Variants in AOPEP observed in about 807,000 individuals in gnomAD.
AOPEP encodes the protein aminopeptidase O (putative).
AOPEP carries 77 observed loss-of-function variants against 98.1 expected under a neutral mutation model. The observed-to-expected ratio is 0.78, with a 90% confidence interval of 0.65 to 0.95. The LOEUF (loss-of-function observed/expected upper bound fraction) is 0.95. Ranked by LOEUF, AOPEP falls within the 40% of genes least tolerant of loss-of-function variation. The pLI is 0.00. For missense variants in AOPEP, 1,024 were observed against 1,024.7 expected (o/e 1.00, Z 0.01); for synonymous variants, 346 against 365.3 (o/e 0.95, Z 0.60).
chr9:94,989,771 T>C (rs962223279), intron 11 of AOPEP, among the ~76,000 whole-genome samples: 4 of 151,600 alleles, frequency 2.6e-5, no homozygotes, highest in African/African-American at 9.7e-5. Flanking sequence ...GCCACCATAC[T>C]CGGCTAATTT....
chr9:95,149,757 G>A, the AOPEP span, among the ~76,000 whole-genome samples: 1 of 152,022 alleles, frequency 6.6e-6, no homozygotes, highest in South Asian at 2.1e-4. Flanking sequence ...GGGATTACAG[G>A]TGTGAGCCAC....
chr9:94,739,712 C>T (rs973890728), intron 1 of AOPEP, among the ~76,000 whole-genome samples: 2 of 152,016 alleles, frequency 1.3e-5, no homozygotes, highest in Non-Finnish European at 2.9e-5. Context: ...AAATAGTAAC[C>T]GCTAAGATGT....
At chr9:94,841,256 C>G (rs1308527826) in intron 5 of AOPEP, among the ~76,000 whole-genome samples, 40 of 151,536 alleles carry the variant, frequency 2.6e-4, no homozygotes, top group Admixed American at 2.6e-3. Context: ...ACTGCAGGCT[C>G]CCCCTCCTGC....
chr9:94,935,582 G>T (rs2056130006), intron 7 of AOPEP, among the ~76,000 whole-genome samples: 1 of 152,110 alleles, frequency 6.6e-6, no homozygotes, highest in Admixed American at 6.5e-5. Flanking sequence ...CTCATTGGTT[G>T]GAAAAATGTA....
chr9:95,009,677 C>G (rs2062341237), intron 13 of AOPEP, among the ~76,000 whole-genome samples: 1 of 152,172 alleles, frequency 6.6e-6, no homozygotes, highest in African/African-American at 2.4e-5. Flanking sequence ...TTAGTCACAA[C>G]AAACATGGTG....
the AOPEP span, among the ~76,000 whole-genome samples, chr9:95,119,993 G>GTGAGTT: frequency 0.46 from 69,129 of 151,572 alleles, 15,921 homozygotes; most frequent in East Asian, 0.58. Flanking sequence ...GATTACAGGA[G>GTGAGTT]TGAGCTATGC....
At chr9:94,921,956 A>G (rs962659478) in intron 5 of AOPEP, among the ~76,000 whole-genome samples, 3 of 152,150 alleles carry the variant, frequency 2.0e-5, no homozygotes, top group African/African-American at 7.2e-5. Context: ...GGGGAAATTT[A>G]GGTGGAATTC....
At chr9:94,892,956 G>A (rs1378190943) in intron 5 of AOPEP, among the ~76,000 whole-genome samples, 1 of 152,180 alleles carries the variant, frequency 6.6e-6, no homozygotes, top group East Asian at 1.9e-4. Flanking sequence ...GCCTCCCAAA[G>A]TGCTGGGATT....
At chr9:94,906,487 A>T in intron 5 of AOPEP, among the ~76,000 whole-genome samples, 1 of 149,742 alleles carries the variant, frequency 6.7e-6, no homozygotes, top group Non-Finnish European at 1.5e-5. Flanking sequence ...AATAATAAAA[A>T]AACAGACCCC....
At chr9:95,107,150 T>C in the AOPEP span, 1 of 1,614,210 alleles carries the variant, frequency 6.2e-7, no homozygotes, top group Non-Finnish European at 8.5e-7. Flanking sequence ...TCAGCTGTTG[T>C]GCAGGAGCTC....
intron 3 of AOPEP, among the ~76,000 whole-genome samples, chr9:94,782,181 C>A (rs879775358): frequency 2.0e-5 from 3 of 151,430 alleles, no homozygotes; most frequent in Admixed American, 2.0e-4. Context: ...CAGAGTGAGA[C>A]TCCGTCTCAA....
At chr9:94,792,480 T>C (rs778242994) in intron 3 of AOPEP, among the ~76,000 whole-genome samples, 2 of 152,124 alleles carry the variant, frequency 1.3e-5, no homozygotes, top group Non-Finnish European at 2.9e-5. Flanking sequence ...TGGCCTTCTG[T>C]GTTTACAGCT....
At chr9:94,876,722 G>T (rs1354323587) in intron 5 of AOPEP, among the ~76,000 whole-genome samples, 1 of 151,866 alleles carries the variant, frequency 6.6e-6, no homozygotes, top group Non-Finnish European at 1.5e-5. Flanking sequence ...AGTATCTAAG[G>T]CTACCTTTTA....
intron 3 of AOPEP, among the ~76,000 whole-genome samples, chr9:94,782,020 T>C (rs1843375506): frequency 6.6e-6 from 1 of 150,442 alleles, no homozygotes; most frequent in Non-Finnish European, 1.5e-5. Context: ...TGAAATGCCG[T>C]CTCTACTAAA....
At chr9:94,816,267 G>C (rs552547056) in intron 5 of AOPEP, among the ~76,000 whole-genome samples, 1 of 152,310 alleles carries the variant, frequency 6.6e-6, no homozygotes, top group Admixed American at 6.5e-5. Flanking sequence ...AGGGTCCCCA[G>C]CTAATAAGTT....
intron 7 of AOPEP, among the ~76,000 whole-genome samples, chr9:94,953,375 T>C (rs1179222034): frequency 1.3e-5 from 2 of 152,218 alleles, no homozygotes; most frequent in African/African-American, 4.8e-5. Flanking sequence ...ATCATCATCT[T>C]TCCTTTAGGT....
At chr9:94,745,920 T>G (rs1392086755) in intron 1 of AOPEP, among the ~76,000 whole-genome samples, 1 of 152,198 alleles carries the variant, frequency 6.6e-6, no homozygotes, top group African/African-American at 2.4e-5. Context: ...GTATTTCTAT[T>G]TGTGATTTTT....
chr9:94,876,503 C>A lies in AOPEP; in HGVS notation c.1365-47483C>A, dbSNP rs2046963791. Among the ~76,000 whole-genome samples the A allele has an allele frequency of 3.3e-5, 5 of 151,836 alleles. No homozygotes were observed. The South Asian group carries it at 1.0e-3, about 32-fold the overall frequency. Reference sequence around the variant, plus strand: ...GCCTCAGCCTCCCGAGTAGCTGGGACTACAGGCACCCGCCACCACACCTGG... The same window carrying A: ...GCCTCAGCCTCCCGAGTAGCTGGGAATACAGGCACCCGCCACCACACCTGG... On this transcript the variant is annotated intron_variant, in intron 5 of 16. Transcript: ENST00000375315.
the AOPEP span, among the ~76,000 whole-genome samples, chr9:95,105,314 G>A: frequency 6.6e-6 from 1 of 152,242 alleles, no homozygotes; most frequent in Non-Finnish European, 1.5e-5. Context: ...GCCTGGACGG[G>A]AGCAGGAGGG....
Sources: gnomAD v4.1 joint callset for allele counts (sites outside exome capture counted in the v4.1 genomes callset) on GRCh38, gnomAD v4.1.1 for gene constraint, MANE v1.5 for transcripts, NCBI Gene and HGNC (gene_info 2026-07-23, HGNC 2026-07-21) for gene names.